ATL3: variants seen among roughly 807,000 people sequenced by gnomAD.
The protein encoded by ATL3 is atlastin-3.
Under a neutral mutation model 69.5 loss-of-function variants are expected in ATL3, and 49 were observed. The observed-to-expected ratio is 0.71, with a 90% confidence interval of 0.56 to 0.89. ATL3 has a LOEUF of 0.89. Ranked by LOEUF, ATL3 falls within the 40% of genes least tolerant of loss-of-function variation. ATL3 has a pLI of 0.00. For missense variants in ATL3, 606 were observed against 645.7 expected (o/e 0.94, Z 0.67); for synonymous variants, 214 against 224.1 (o/e 0.95, Z 0.40).
At chr11:63,632,774 A>C in intron 11 of ATL3, 1 of 860,658 alleles carries the variant, frequency 1.2e-6, no homozygotes, top group Non-Finnish European at 1.9e-6. Flanking sequence ...ATGTGAATTT[A>C]TTACTCCCAT....
At position 63,629,410 on chromosome 11, in the gene ATL3, A is replaced by G; in HGVS notation, c.1540-5T>C. ...ATTACCGATATGAGAAGAAGCCTGC[A>G]AAAGTCCATTTATTCAACATATAAG... On this transcript the variant is annotated splice_polypyrimidine_tract_variant and splice_region_variant and intron_variant, in intron 12 of 12. Coordinates refer to ENST00000398868, the MANE Select transcript of ATL3 (RefSeq NM_015459.5). The G allele has an allele frequency of 1.2e-6, 2 of 1,613,450 alleles. No individual in the cohort carries two copies. Among genetic ancestry groups the G allele is most frequent in the East Asian group, 2.2e-5 (1 of 44,880 alleles).
intron 1 of ATL3, among the ~76,000 whole-genome samples, chr11:63,667,535 AT>A (rs1940612840): frequency 6.6e-6 from 1 of 152,010 alleles, no homozygotes; most frequent in Non-Finnish European, 1.5e-5. Flanking sequence ...GCCAAGGCGG[AT>A]GGATCATTTG....
chr11:63,653,882 T>C (rs1215934715), intron 3 of ATL3, among the ~76,000 whole-genome samples: 1 of 152,166 alleles, frequency 6.6e-6, no homozygotes, highest in East Asian at 1.9e-4. Context: ...TTTAGGGCAG[T>C]GTGACTATTC....
intron 6 of ATL3, among the ~76,000 whole-genome samples, chr11:63,645,911 G>A (rs1565275642): frequency 6.6e-6 from 1 of 151,938 alleles, no homozygotes; most frequent in Non-Finnish European, 1.5e-5. Flanking sequence ...AAGATTACAG[G>A]CACCCACCAC....
intron 5 of ATL3, 149 bp from the exon 6 acceptor site, chr11:63,646,712 T>C (rs1939892653): frequency 4.0e-6 from 2 of 497,120 alleles, no homozygotes; most frequent in African/African-American, 4.0e-5. Flanking sequence ...AAAATCATCT[T>C]GGTTATTCCC....
rs1319322392 is a variant in ATL3, at chr11:63,627,670, T to C, written c.*1649A>G. The C allele has an allele frequency of 6.6e-6, 1 of 152,168 alleles. No individual in the cohort carries two copies. The highest frequency in any genetic ancestry group is 1.5e-5 in the Non-Finnish European group (1 of 68,014). 9.4% of individuals were successfully genotyped at this position (152,168 alleles called of 1,614,324 possible). On this transcript the variant is annotated 3_prime_UTR_variant, in exon 13 of 13. Coordinates refer to ENST00000398868, the MANE Select transcript of ATL3 (RefSeq NM_015459.5). ...ATACCTGAATGTTTATATAAATACT[T>C]GCAGGCAAGTTTTAAGTTTTAAAAT...
chr11:63,654,741 G>A (rs1352599708), intron 3 of ATL3, among the ~76,000 whole-genome samples: 1 of 140,752 alleles, frequency 7.1e-6, no homozygotes, highest in South Asian at 2.2e-4. Flanking sequence ...TCGTCACCCA[G>A]GCTGGAGTGC....
Position 63,635,464 on chromosome 11 carries a change from T to C in ATL3, c.1035+70A>G, listed in dbSNP as rs140341953. The C allele has an allele frequency of 1.9e-4, 241 of 1,292,440 alleles. 1 individual carries two copies. In the African/African-American group the frequency reaches 3.1e-3, roughly 16 times the overall value. The allele number at this position is 1,292,440 out of a possible 1,614,324, so 80.1% of individuals were successfully genotyped here. A position where few individuals can be genotyped will look rare whatever the true frequency, so the allele number is the denominator to read the frequency against. On this transcript the variant is annotated intron_variant, in intron 10 of 12. Coordinates refer to ENST00000398868, the MANE Select transcript of ATL3 (RefSeq NM_015459.5). Reference sequence around the variant, plus strand: ...AAAGTGCATTCTCTTCCTAAAGAACTCTGCTTATTGTATACAGGTCAACTC... The same window carrying C: ...AAAGTGCATTCTCTTCCTAAAGAACCCTGCTTATTGTATACAGGTCAACTC...
intron 5 of ATL3, among the ~76,000 whole-genome samples, chr11:63,648,814 AAAAAAAGC>A (rs1212006957): frequency 6.6e-6 from 1 of 151,816 alleles, no homozygotes; most frequent in Admixed American, 6.6e-5. Context: ...GTCTCTAAAA[AAAAAAAGC>A]AAAAAAACAA....
At chr11:63,634,460 T>C (rs1340345820) in intron 10 of ATL3, among the ~76,000 whole-genome samples, 3 of 152,008 alleles carry the variant, frequency 2.0e-5, no homozygotes, top group Non-Finnish European at 4.4e-5. Context: ...TGAGCCGAGA[T>C]TGTGCCACTG....
At chr11:63,670,750 G>T (rs528606671) in intron 1 of ATL3, among the ~76,000 whole-genome samples, 35 of 152,360 alleles carry the variant, frequency 2.3e-4, no homozygotes, top group African/African-American at 7.7e-4. Flanking sequence ...AAGGTCGTTA[G>T]GATAAAAATA....
At chr11:63,657,933 T>G (rs977614543) in intron 3 of ATL3, among the ~76,000 whole-genome samples, 1 of 150,220 alleles carries the variant, frequency 6.7e-6, no homozygotes, top group African/African-American at 2.5e-5. Flanking sequence ...CTCGGCTCAC[T>G]GCAACCTCTG....
Position 63,646,686 on chromosome 11 carries a change from A to G in ATL3, c.562-123T>C. On this transcript the variant is annotated intron_variant, in intron 5 of 12. Coordinates refer to ENST00000398868, the MANE Select transcript of ATL3 (RefSeq NM_015459.5). ...GACTTCTACAGTTTCAAAAGCCCAC[A>G]GGAGTCATGAACCTTAAAATCATCT... is the stretch of plus-strand genomic sequence containing the variant. The G allele has an allele frequency of 5.5e-6, 3 of 545,162 alleles. No individual in the cohort carries two copies. The South Asian group carries it at 7.1e-5, about 13-fold the overall frequency. 33.8% of individuals were successfully genotyped at this position (545,162 alleles called of 1,614,324 possible). A position where few individuals can be genotyped will look rare whatever the true frequency, so the allele number is the denominator to read the frequency against.
intron 10 of ATL3, among the ~76,000 whole-genome samples, chr11:63,633,538 T>G (rs866819570): frequency 2.6e-5 from 4 of 151,894 alleles, no homozygotes; most frequent in African/African-American, 2.4e-5. Flanking sequence ...GCCACCACGC[T>G]TGGCTAACTT....
chr11:63,666,036 G>A (rs868214897), intron 1 of ATL3, among the ~76,000 whole-genome samples: 5 of 152,088 alleles, frequency 3.3e-5, no homozygotes, highest in East Asian at 3.9e-4. Flanking sequence ...CTAGAGGTGC[G>A]GTGGTGCAAT....
Position 63,636,223 on chromosome 11 carries a change from A to T in ATL3, c.962T>A (p.Leu321Gln). The change falls in exon 9 of 13, where the codon CTA (leucine) becomes CAA (glutamine). Residue 321 changes from leucine (L) to glutamine (Q), a missense_variant. Coordinates refer to ENST00000398868, the MANE Select transcript of ATL3 (RefSeq NM_015459.5). ...INGSKVTCRG[L>Q]LEYFKAYIKI... ...CATATTTACCTTAAAATACTCCAGT[A>T]GTCCCCGACAGGTGACCTTTGAGCC... The T allele has an allele frequency of 1.2e-6, 2 of 1,614,034 alleles. No individual in the cohort carries two copies. Among genetic ancestry groups the T allele is most frequent in the Non-Finnish European group, 1.7e-6 (2 of 1,179,968 alleles).
intron 10 of ATL3, among the ~76,000 whole-genome samples, chr11:63,634,042 A>T (rs1188224025): frequency 2.0e-5 from 3 of 149,010 alleles, no homozygotes; most frequent in Non-Finnish European, 4.5e-5. Flanking sequence ...CTCAAACAAA[A>T]AAAAAAAAAA....
At chr11:63,638,640 G>A (rs1405802331) in intron 8 of ATL3, among the ~76,000 whole-genome samples, 1 of 152,052 alleles carries the variant, frequency 6.6e-6, no homozygotes, top group Non-Finnish European at 1.5e-5. Flanking sequence ...GGGAGGCGGA[G>A]GTGGCAGTGA....
intron 12 of ATL3, among the ~76,000 whole-genome samples, chr11:63,630,683 C>A (rs1939282748): frequency 6.7e-6 from 1 of 149,994 alleles, no homozygotes; most frequent in Non-Finnish European, 1.5e-5. Flanking sequence ...GTAGTCTCAG[C>A]TACTTGGGAG....
Sources: allele counts gnomAD v4.1 joint callset (sites outside exome capture counted in the v4.1 genomes callset), GRCh38; gene constraint gnomAD v4.1.1; transcripts MANE v1.5; gene names NCBI Gene and HGNC (gene_info 2026-07-23, HGNC 2026-07-21).